The following TIMM21 variants were observed in gnomAD, a reference collection of about 807,000 sequenced individuals.
TIMM21 encodes the protein translocase of inner mitochondrial membrane 21, also known as mitochondrial import inner membrane translocase subunit Tim21.
A neutral mutation model predicts 27.7 loss-of-function variants in TIMM21; 30 were observed. That is an observed-to-expected ratio of 1.08 (90% CI 0.81 to 1.47). TIMM21 has a LOEUF of 1.47. Among genes scored for constraint, TIMM21 ranks in the 40% most tolerant of loss-of-function variants. The pLI, the probability that TIMM21 is intolerant of heterozygous loss-of-function variation, is 0.00. For synonymous variants in TIMM21, 121 were observed against 114.4 expected, an observed-to-expected ratio of 1.06 and a Z score of -0.37; for missense variants, 292 against 302.9, an observed-to-expected ratio of 0.96 and a Z score of 0.27.
rs1212417404 is a variant in TIMM21 at position 74,159,571 on chromosome 18, C to T, written c.*1091C>T. On this transcript the variant is annotated 3_prime_UTR_variant, in exon 6 of 6. Coordinates refer to ENST00000169551, the MANE Select transcript of TIMM21 (RefSeq NM_014177.3). ...CCAGGCAATCTATCTCCCCTTTTTACTTTATCTCCCTGCTTAATTTAGTTA... is the reference window on the plus strand; with the variant it reads ...CCAGGCAATCTATCTCCCCTTTTTATTTTATCTCCCTGCTTAATTTAGTTA... 2.0e-5 allele frequency: 3 copies of T among 152,078 alleles called. No homozygotes were observed. Among genetic ancestry groups the T allele is most frequent in the Admixed American group, 6.5e-5 (1 of 15,272 alleles). 9.4% of individuals were successfully genotyped at this position (152,078 alleles called of 1,614,324 possible).
intron 1 of TIMM21, among the ~76,000 whole-genome samples, chr18:74,153,283 A>G (rs1420638457): frequency 3.3e-5 from 5 of 152,242 alleles, no homozygotes; most frequent in African/African-American, 4.8e-5. Flanking sequence ...GGCTTTATAT[A>G]TAACAGATAT....
At chr18:74,157,748 A>C (rs1292019961) in intron 3 of TIMM21, 3 of 410,588 alleles carry the variant, frequency 7.3e-6, no homozygotes, top group Middle Eastern at 7.1e-4. Flanking sequence ...GATGCGCATC[A>C]CCATGCCCAG....
rs535525190 is a variant in TIMM21, at chr18:74,151,937, T to TCCCCC, written c.301+2836_301+2840dup. ...CCTTAAGAAGCAGTGGTGTCTATGTTCCCCCCCCCCCCGGGGGGACCTCCA... is the reference window on the plus strand; with the variant it reads ...CCTTAAGAAGCAGTGGTGTCTATGTTCCCCCCCCCCCCCCCCCGGGGGGACCTCCA... On this transcript the variant is annotated intron_variant, in intron 1 of 5. Transcript: ENST00000169551. Among the ~76,000 whole-genome samples, 126 of 94,256 alleles carry TCCCCC rather than the reference T, an allele frequency of 1.3e-3. 18 individuals are homozygous for TCCCCC. Among genetic ancestry groups the TCCCCC allele is most frequent in the African/African-American group, 6.4e-3 (107 of 16,850 alleles). 61.8% of individuals were successfully genotyped at this position (94,256 alleles called of 152,430 possible). A position where few individuals can be genotyped will look rare whatever the true frequency, so the allele number is the denominator to read the frequency against.
intron 3 of TIMM21, chr18:74,156,210 G>A (rs922480019): frequency 1.0e-5 from 4 of 398,398 alleles, no homozygotes; most frequent in South Asian, 1.3e-4. Flanking sequence ...GCAGGTAATC[G>A]TCTGCCATTA....
rs1980032731 is a variant in TIMM21, at chr18:74,158,971, T to C, written c.*491T>C. ...TACATTCTTCAAAATTGTGTGAGTT[T>C]TAGGAATCTGTCTCATATTTCGCGC... On this transcript the variant is annotated 3_prime_UTR_variant, in exon 6 of 6. Coordinates refer to ENST00000169551, the MANE Select transcript of TIMM21 (RefSeq NM_014177.3). The C allele has an allele frequency of 6.1e-6, 1 of 163,966 alleles. No individual in the cohort carries two copies. Among genetic ancestry groups the C allele is most frequent in the Admixed American group, 6.2e-5 (1 of 16,018 alleles). 10.2% of individuals were successfully genotyped at this position (163,966 alleles called of 1,614,324 possible).
Position 74,159,684 on chromosome 18 carries a change from G to A in TIMM21, c.*1204G>A, listed in dbSNP as rs182859594. The A allele has an allele frequency of 9.2e-5, 14 of 152,170 alleles. No individual in the cohort carries two copies. Among genetic ancestry groups the A allele is most frequent in the Middle Eastern group, 3.4e-3 (1 of 294 alleles). The allele number at this position is 152,170 out of a possible 1,614,324, so 9.4% of individuals were successfully genotyped here. On this transcript the variant is annotated 3_prime_UTR_variant, in exon 6 of 6. Transcript: ENST00000169551. Reference sequence around the variant, plus strand: ...AGTATAGAAAATATAACAGACACTCGTCTCCCTGACGTAACACACTTTGAC... The same window carrying A: ...AGTATAGAAAATATAACAGACACTCATCTCCCTGACGTAACACACTTTGAC...
intron 3 of TIMM21, among the ~76,000 whole-genome samples, chr18:74,155,837 C>A (rs572963499): frequency 8.5e-5 from 13 of 152,346 alleles, no homozygotes; most frequent in African/African-American, 2.9e-4. Context: ...TTCGGCACTA[C>A]TTTGTCTTCA....
chr18:74,151,948 C>CCG (rs1555682334), intron 1 of TIMM21, among the ~76,000 whole-genome samples: 1 of 147,186 alleles, frequency 6.8e-6, no homozygotes, highest in African/African-American at 2.6e-5. Flanking sequence ...CCCCCCCCCC[C>CCG]CGGGGGGACC....
At chr18:74,157,785 C>CG in intron 3 of TIMM21, 1 of 518,316 alleles carries the variant, frequency 1.9e-6, no homozygotes, top group Non-Finnish European at 3.4e-6. Flanking sequence ...TTAGTAGAGA[C>CG]GGGGTTTCAC....
chr18:74,155,077 A>G (rs1979912527), intron 1 of TIMM21, 68 bp from the exon 2 acceptor site: 2 of 1,516,598 alleles, frequency 1.3e-6, no homozygotes, highest in Admixed American at 3.4e-5. Flanking sequence ...CAAGAAGTGC[A>G]AAAGCAGCAG....
At chr18:74,157,682 G>C (rs1979987491) in intron 3 of TIMM21, 1 of 222,990 alleles carries the variant, frequency 4.5e-6, no homozygotes. Context: ...TGCAGCCTCT[G>C]CCTACTGGGT....
chr18:74,150,594 C>T (rs1414036953), intron 1 of TIMM21, among the ~76,000 whole-genome samples: 1 of 152,194 alleles, frequency 6.6e-6, no homozygotes, highest in Admixed American at 6.5e-5. Flanking sequence ...CAGACTACTG[C>T]TGCTGCTTCT....
At chr18:74,154,791 G>A (rs1006404693) in intron 1 of TIMM21, among the ~76,000 whole-genome samples, 10 of 152,176 alleles carry the variant, frequency 6.6e-5, no homozygotes, top group African/African-American at 2.4e-4. Flanking sequence ...GTTACTAACT[G>A]TTAAGAGTTG....
intron 1 of TIMM21, among the ~76,000 whole-genome samples, chr18:74,150,849 C>T (rs1307236596): frequency 6.6e-6 from 1 of 152,170 alleles, no homozygotes; most frequent in African/African-American, 2.4e-5. Flanking sequence ...CTCTGCCATT[C>T]CCCATAGATG....
intron 3 of TIMM21, chr18:74,157,382 A>G (rs1407589698): frequency 6.6e-6 from 1 of 152,344 alleles, no homozygotes. Context: ...GTAGAGAAAC[A>G]TCTGAACTCT....
At chr18:74,157,499 G>A (rs182030989) in intron 3 of TIMM21, 9 of 155,064 alleles carry the variant, frequency 5.8e-5, no homozygotes, top group African/African-American at 2.2e-4. Flanking sequence ...TTTAATCTTT[G>A]TGCATGAAAT....
intron 3 of TIMM21, among the ~76,000 whole-genome samples, chr18:74,155,843 C>G (rs1979936788): frequency 6.6e-6 from 1 of 152,232 alleles, no homozygotes. Flanking sequence ...ACTACTTTGT[C>G]TTCAGTTTGC....
rs1409862748 is a variant in TIMM21 at position 74,155,403 on chromosome 18, G to A, written c.462G>A (p.Glu154=). 6.2e-7 allele frequency: 1 copy of A among 1,607,214 alleles called. No individual in the cohort carries two copies. Among genetic ancestry groups the A allele is most frequent in the Admixed American group, 1.7e-5 (1 of 58,598 alleles). Residue 154 remains glutamate (E), a splice_region_variant and synonymous_variant, in exon 3 of 6, where the codon GAG becomes GAA. Coordinates refer to ENST00000169551, the MANE Select transcript of TIMM21 (RefSeq NM_014177.3). ...TAGAAAAATGCAGATCACATCCTGA[G>A]GTTAGTTCTCAAGATTGAGTTACAT... ...RALEKCRSHP[E]VIGVFGESVK... is the part of the protein sequence containing the mutation.
chr18:74,148,959 A>G lies in TIMM21; in HGVS notation c.151A>G (p.Thr51Ala), dbSNP rs757368880. The stretch of plus-strand genomic sequence containing the variant: ...ATGTGGGCTTCAATATCAAAAGAAA[A>G]CGCTGCGACCTAGATGTATTCTTGG... ...LRCGLQYQKK[T>A]LRPRCILGVT... The change falls in exon 1 of 6, where the codon ACG (threonine) becomes GCG (alanine). Residue 51 changes from threonine (T) to alanine (A), a missense_variant. Thr to Ala is a moderately conservative substitution (Grantham distance 58, BLOSUM62 0). Transcript: ENST00000169551. The G allele has an allele frequency of 6.8e-6, 11 of 1,613,964 alleles. No individual in the cohort carries two copies. Among genetic ancestry groups the G allele is most frequent in the Non-Finnish European group, 5.1e-6 (6 of 1,180,032 alleles).
Sources: gnomAD v4.1 joint callset for allele counts (sites outside exome capture counted in the v4.1 genomes callset) on GRCh38, gnomAD v4.1.1 for gene constraint, MANE v1.5 for transcripts, NCBI Gene and HGNC (gene_info 2026-07-23, HGNC 2026-07-21) for gene names.